ZNF644: variants seen among roughly 807,000 people sequenced by gnomAD.
ZNF644 encodes the protein zinc finger protein 644, also known as zinc finger motif enhancer binding protein 2.
Under a neutral mutation model 108.0 loss-of-function variants are expected in ZNF644, and 20 were observed. That is an observed-to-expected ratio of 0.19 (90% CI 0.13 to 0.27). The LOEUF is 0.27. ZNF644 is among the 10% of genes least tolerant of loss of function. ZNF644 has a pLI of 1.00. For synonymous variants in ZNF644, 542 were observed against 539.1 expected, an observed-to-expected ratio of 1.01 and a Z score of -0.08; for missense variants, 1,338 against 1,548.9, an observed-to-expected ratio of 0.86 and a Z score of 2.29.
At position 90,975,436 on chromosome 1, in the gene ZNF644, C is replaced by CTTTT. The variant is rs1243944087; in HGVS notation, c.44+6870_44+6873dup. Among the ~76,000 whole-genome samples the CTTTT allele has an allele frequency of 2.4e-3, 321 of 135,346 alleles. 4 individuals are homozygous for CTTTT. Among genetic ancestry groups the CTTTT allele is most frequent in the African/African-American group, 8.3e-3 (306 of 36,698 alleles). 88.8% of individuals were successfully genotyped at this position (135,346 alleles called of 152,430 possible). A position where few individuals can be genotyped will look rare whatever the true frequency, so the allele number is the denominator to read the frequency against. Reference sequence around the variant, plus strand: ...AGACCCTAAAAGTTTCAAATATCTACTTTTTTTTTTTTTTTTTTTGAGACA... The same window carrying CTTTT: ...AGACCCTAAAAGTTTCAAATATCTACTTTTTTTTTTTTTTTTTTTTTTTGAGACA... On this transcript the variant is annotated intron_variant, in intron 2 of 5. Transcript: ENST00000337393.
At chr1:90,953,916 A>C (rs1167744383) in intron 2 of ZNF644, among the ~76,000 whole-genome samples, 3 of 152,196 alleles carry the variant, frequency 2.0e-5, no homozygotes, top group African/African-American at 4.8e-5. Flanking sequence ...CTGTCTCAAA[A>C]AACAACAACA....
chr1:90,931,411 T>A (rs17131240), intron 4 of ZNF644, among the ~76,000 whole-genome samples: 1,898 of 149,694 alleles, frequency 0.013, 37 homozygotes, highest in African/African-American at 0.044. Flanking sequence ...ATTCCATAAA[T>A]AACTAGAATA....
At chr1:90,936,827 G>C (rs1222792530) in intron 4 of ZNF644, among the ~76,000 whole-genome samples, 1 of 152,132 alleles carries the variant, frequency 6.6e-6, no homozygotes, top group Non-Finnish European at 1.5e-5. Context: ...TGGTGCACCA[G>C]CACTAAGCTA....
At position 90,940,613 on chromosome 1, in the gene ZNF644, A is replaced by T; in HGVS notation, c.741T>A (p.Gly247=). ...CVNTVTGISS[G]TDGFRSENDT... is the part of the protein sequence containing the mutation. ...CATTTTCTGACCTAAATCCATCTGT[A>T]CCTGAGGAAATTCCCGTTACTGTAT... is the stretch of plus-strand genomic sequence containing the variant. The change falls in exon 3 of 6, where the codon GGT becomes GGA. Residue 247 remains glycine (G), a synonymous_variant. Transcript: ENST00000337393. 6.2e-7 allele frequency: 1 copy of T among 1,613,882 alleles called. No homozygotes were observed. Among genetic ancestry groups the T allele is most frequent in the Non-Finnish European group, 8.5e-7 (1 of 1,179,962 alleles).
intron 2 of ZNF644, among the ~76,000 whole-genome samples, chr1:90,975,882 T>A (rs542101796): frequency 1.3e-5 from 2 of 152,324 alleles, no homozygotes; most frequent in South Asian, 4.1e-4. Context: ...TACCCTTAAG[T>A]GTAACATTAG....
At chr1:91,009,689 T>C (rs1659759803) in intron 1 of ZNF644, among the ~76,000 whole-genome samples, 1 of 152,014 alleles carries the variant, frequency 6.6e-6, no homozygotes, top group African/African-American at 2.4e-5. Context: ...TCTTACCAGT[T>C]ACCTTAAATA....
chr1:90,999,982 A>G (rs1658594308), intron 1 of ZNF644, among the ~76,000 whole-genome samples: 1 of 152,216 alleles, frequency 6.6e-6, no homozygotes, highest in South Asian at 2.1e-4. Context: ...TAACAAGAAG[A>G]GCTAACTATC....
At position 90,939,068 on chromosome 1, in the gene ZNF644, T is replaced by C. The variant is rs762271314; in HGVS notation, c.2286A>G (p.Lys762=). The C allele has an allele frequency of 5.0e-6, 8 of 1,613,936 alleles. No homozygotes were observed. The African/African-American group carries it at 1.1e-4, about 22-fold the overall frequency. ...KSGESYPVHF[K]KEEASSLNSL... ...AATTTAATGAACTAGCTTCTTCTTT[T>C]TTGAAATGCACAGGATATGATTCAC... is the stretch of plus-strand genomic sequence containing the variant. Residue 762 remains lysine (K), a synonymous_variant, in exon 3 of 6, where the codon AAA becomes AAG. Transcript: ENST00000337393.
At chr1:90,922,963 T>C (rs977930126) in intron 4 of ZNF644, among the ~76,000 whole-genome samples, 2 of 152,124 alleles carry the variant, frequency 1.3e-5, no homozygotes, top group Admixed American at 1.3e-4. Flanking sequence ...TGGCCTCAAA[T>C]GAAAAAGAAT....
chr1:90,917,687 G>A (rs578255351), intron 5 of ZNF644, among the ~76,000 whole-genome samples: 3 of 152,154 alleles, frequency 2.0e-5, no homozygotes, highest in South Asian at 2.1e-4. Context: ...TAGTAGACAC[G>A]AGGTTTCATC....
intron 4 of ZNF644, among the ~76,000 whole-genome samples, chr1:90,925,424 G>C (rs945881220): frequency 1.3e-5 from 2 of 151,824 alleles, no homozygotes; most frequent in African/African-American, 4.8e-5. Context: ...GTATATCCAG[G>C]GCAACTTGAA....
chr1:90,930,746 TATAAA>T (rs1028993889), intron 4 of ZNF644, among the ~76,000 whole-genome samples: 3 of 152,252 alleles, frequency 2.0e-5, no homozygotes, highest in Admixed American at 2.0e-4. Flanking sequence ...GTGGTCAAGA[TATAAA>T]ATAAAGTCTC....
rs188796378 is a variant in ZNF644 at position 90,955,919 on chromosome 1, C to T, written c.45-14610G>A. 1.2e-3 allele frequency among the ~76,000 whole-genome samples: 179 copies of T among 152,274 alleles called. 2 individuals are homozygous for T. The highest frequency in any genetic ancestry group is 1.2e-4 in the Non-Finnish European group (8 of 68,030). On this transcript the variant is annotated intron_variant, in intron 2 of 5. Transcript: ENST00000337393. ...TTGGCCTGTCTCATCTTGTATAATG[C>T]CTTCCTCACTAAGCTTAATTCTAGG...
intron 2 of ZNF644, among the ~76,000 whole-genome samples, chr1:90,975,469 GCT>G (rs1436023783): frequency 1.4e-5 from 2 of 139,214 alleles, no homozygotes; most frequent in African/African-American, 5.4e-5. Context: ...ACAGAGTCTC[GCT>G]CTGTCTCCCA....
At position 90,932,190 on chromosome 1, in the gene ZNF644, G is replaced by T. The variant is rs142171974; in HGVS notation, c.3688+5295C>A. ...AAGAAATATTTTTCTTCCCTCAAAA[G>T]GTCACCAGTTCCCACAGAAAAGACC... On this transcript the variant is annotated intron_variant, in intron 4 of 5. Coordinates refer to ENST00000337393, the MANE Select transcript of ZNF644 (RefSeq NM_201269.3). Among the ~76,000 whole-genome samples the T allele has an allele frequency of 1.8e-3, 277 of 152,222 alleles. 1 individual carries two copies. The highest frequency in any genetic ancestry group is 6.3e-3 in the African/African-American group (261 of 41,558).
chr1:90,962,815 A>G (rs1654463464), intron 2 of ZNF644, among the ~76,000 whole-genome samples: 2 of 152,120 alleles, frequency 1.3e-5, no homozygotes, highest in Non-Finnish European at 2.9e-5. Flanking sequence ...ATGTGTGGTT[A>G]GAGAGGAGGG....
At chr1:90,965,788 TGCCCAG>T (rs1357246925) in intron 2 of ZNF644, among the ~76,000 whole-genome samples, 2 of 152,096 alleles carry the variant, frequency 1.3e-5, no homozygotes, top group African/African-American at 2.4e-5. Context: ...TCGCTCTTGT[TGCCCAG>T]GCTGGAACGC....
rs1651857431 is a variant in ZNF644, at chr1:90,940,596, G to A, written c.758C>T (p.Ser253Leu). Reference protein sequence around the residue: ...GISSGTDGFRSENDTNWDPQK... With the variant: ...GISSGTDGFRLENDTNWDPQK... ...GGGATCCCAGTTTGTATCATTTTCT[G>A]ACCTAAATCCATCTGTACCTGAGGA... Residue 253 changes from serine to leucine, a missense_variant, in exon 3 of 6, where the codon TCA (serine) becomes TTA (leucine). Ser to Leu is a moderately radical substitution (Grantham distance 145). Transcript: ENST00000337393. The A allele has an allele frequency of 5.6e-6, 9 of 1,613,504 alleles. No individual in the cohort carries two copies. Among genetic ancestry groups the A allele is most frequent in the Non-Finnish European group, 7.6e-6 (9 of 1,179,922 alleles).
intron 4 of ZNF644, among the ~76,000 whole-genome samples, chr1:90,934,420 A>T (rs543029348): frequency 6.6e-6 from 1 of 152,344 alleles, no homozygotes; most frequent in African/African-American, 2.4e-5. Flanking sequence ...GAGAAATAAA[A>T]TGATTGGAAA....
Sources: gnomAD v4.1 joint callset for allele counts (sites outside exome capture counted in the v4.1 genomes callset) on GRCh38, gnomAD v4.1.1 for gene constraint, MANE v1.5 for transcripts, NCBI Gene and HGNC (gene_info 2026-07-23, HGNC 2026-07-21) for gene names.